Variants in PDSS2 observed in about 807,000 individuals in gnomAD.
The protein encoded by PDSS2 is decaprenyl diphosphate synthase subunit 2.
Under a neutral mutation model 44.5 loss-of-function variants are expected in PDSS2, and 31 were observed. That is an observed-to-expected ratio of 0.70 (90% CI 0.52 to 0.94). PDSS2 has a LOEUF of 0.94. Among genes scored for constraint, PDSS2 ranks in the 40% least tolerant of loss-of-function variants. The pLI, the probability that PDSS2 is intolerant of heterozygous loss-of-function variation, is 0.00. For missense variants in PDSS2, 452 were observed against 482.2 expected (o/e 0.94, Z 0.59); for synonymous variants, 157 against 180.3 (o/e 0.87, Z 1.03).
Position 107,341,274 on chromosome 6 carries a change from G to A in PDSS2, c.297-6942C>T, listed in dbSNP as rs766649780. Among the ~76,000 whole-genome samples the A allele has an allele frequency of 4.4e-4, 67 of 152,180 alleles. 1 individual carries two copies. The highest frequency in any genetic ancestry group is 1.8e-4 in the Non-Finnish European group (12 of 68,008). On this transcript the variant is annotated intron_variant, in intron 1 of 7. Coordinates refer to ENST00000369037, the MANE Select transcript of PDSS2 (RefSeq NM_020381.4). Reference sequence around the variant, plus strand: ...AGGGATGAAGGAGACATTGGGGAGGGATCAGAAAGCAAAGGAATGTAAGAT... The same window carrying A: ...AGGGATGAAGGAGACATTGGGGAGGAATCAGAAAGCAAAGGAATGTAAGAT...
chr6:107,170,920 T>C (rs1231090642), intron 7 of PDSS2, among the ~76,000 whole-genome samples: 3 of 152,062 alleles, frequency 2.0e-5, no homozygotes, highest in African/African-American at 4.8e-5. Flanking sequence ...GCCAGGTTTA[T>C]ACTATTCTAA....
intron 1 of PDSS2, among the ~76,000 whole-genome samples, chr6:107,422,898 G>A (rs747418075): frequency 5.9e-5 from 9 of 151,956 alleles, no homozygotes; most frequent in South Asian, 4.2e-4. Context: ...GCTAATGAGC[G>A]TTCTTTTAAC....
chr6:107,321,518 CA>C (rs1418279638), intron 2 of PDSS2, among the ~76,000 whole-genome samples: 6 of 152,158 alleles, frequency 3.9e-5, no homozygotes, highest in Non-Finnish European at 1.5e-5. Context: ...CCGGAGTGTC[CA>C]AATCCTATAT....
intron 1 of PDSS2, among the ~76,000 whole-genome samples, chr6:107,448,101 C>T (rs1387907904): frequency 6.6e-6 from 1 of 152,142 alleles, no homozygotes; most frequent in Non-Finnish European, 1.5e-5. Flanking sequence ...GGGGCTGGAC[C>T]TGGCCCAGGA....
At chr6:107,212,083 A>G in intron 5 of PDSS2, 26 bp downstream of exon 5, 1 of 1,602,468 alleles carries the variant, frequency 6.2e-7, no homozygotes, top group Non-Finnish European at 8.6e-7. Context: ...TAAGTACTGA[A>G]AAAAGATAAA....
At chr6:107,256,851 G>A (rs548784006) in intron 3 of PDSS2, among the ~76,000 whole-genome samples, 10 of 151,916 alleles carry the variant, frequency 6.6e-5, no homozygotes, top group African/African-American at 2.4e-4. Context: ...AACATAGGGA[G>A]ATCCTGTCCC....
intron 1 of PDSS2, among the ~76,000 whole-genome samples, chr6:107,456,097 C>A (rs1782034348): frequency 6.6e-6 from 1 of 152,108 alleles, no homozygotes; most frequent in South Asian, 2.1e-4. Context: ...CTGAGGTGGG[C>A]AGATCACGAG....
intron 2 of PDSS2, among the ~76,000 whole-genome samples, chr6:107,289,997 C>G (rs1776291362): frequency 6.6e-6 from 1 of 152,046 alleles, no homozygotes; most frequent in South Asian, 2.1e-4. Flanking sequence ...ACTTTGTTGC[C>G]CAGTCCAGGC....
At chr6:107,456,194 G>A (rs1410594228) in intron 1 of PDSS2, among the ~76,000 whole-genome samples, 1 of 152,144 alleles carries the variant, frequency 6.6e-6, no homozygotes, top group Non-Finnish European at 1.5e-5. Flanking sequence ...GGTGGCGGGC[G>A]CCTATAATCC....
At chr6:107,353,152 C>CAAAA (rs1366840725) in intron 1 of PDSS2, among the ~76,000 whole-genome samples, 3 of 151,884 alleles carry the variant, frequency 2.0e-5, no homozygotes, top group Non-Finnish European at 4.4e-5. Flanking sequence ...TCAAGAATAA[C>CAAAA]TTTTAAGACA....
chr6:107,271,890 C>T (rs1017335615), intron 3 of PDSS2, among the ~76,000 whole-genome samples: 15 of 151,564 alleles, frequency 9.9e-5, no homozygotes, highest in Admixed American at 7.2e-4. Context: ...GGCAAAAGCC[C>T]GTCTCTAAAA....
At chr6:107,238,808 T>TAA (rs570303207) in intron 4 of PDSS2, among the ~76,000 whole-genome samples, 38 of 152,170 alleles carry the variant, frequency 2.5e-4, no homozygotes, top group Non-Finnish European at 4.4e-4. Context: ...GGATCAACCT[T>TAA]ATAAGCAGGT....
intron 4 of PDSS2, chr6:107,230,108 GA>G (rs1773989522): frequency 6.3e-6 from 1 of 159,320 alleles, no homozygotes; most frequent in African/African-American, 2.4e-5. Flanking sequence ...GTCAGTCAGG[GA>G]GACTGCAAAG....
At chr6:107,270,170 G>A (rs527643639) in intron 3 of PDSS2, among the ~76,000 whole-genome samples, 139 of 152,068 alleles carry the variant, frequency 9.1e-4, no homozygotes, top group Non-Finnish European at 1.8e-3. Context: ...GTGCAATGGC[G>A]TGATCTTGGC....
intron 2 of PDSS2, among the ~76,000 whole-genome samples, chr6:107,303,645 A>G (rs1258438893): frequency 6.6e-6 from 1 of 152,190 alleles, no homozygotes; most frequent in Non-Finnish European, 1.5e-5. Flanking sequence ...CAAAATATGG[A>G]ACCACCTAAT....
chr6:107,344,823 A>G (rs1274763746), intron 1 of PDSS2, among the ~76,000 whole-genome samples: 2 of 152,206 alleles, frequency 1.3e-5, no homozygotes, highest in Admixed American at 6.5e-5. Context: ...AGATGTGGCT[A>G]GTCACCCTGG....
At chr6:107,188,972 G>A (rs184963973) in intron 7 of PDSS2, among the ~76,000 whole-genome samples, 7 of 152,186 alleles carry the variant, frequency 4.6e-5, no homozygotes, top group Admixed American at 1.3e-4. Flanking sequence ...GTACAGTGGC[G>A]TGATCACAAC....
intron 7 of PDSS2, among the ~76,000 whole-genome samples, chr6:107,158,204 G>A (rs1770980964): frequency 2.3e-5 from 3 of 129,384 alleles, no homozygotes; most frequent in African/African-American, 5.9e-5. Flanking sequence ...TTTTTTTTTC[G>A]AGACAGAGTC....
At chr6:107,243,947 G>A (rs1278685335) in intron 4 of PDSS2, among the ~76,000 whole-genome samples, 3 of 152,162 alleles carry the variant, frequency 2.0e-5, no homozygotes, top group Non-Finnish European at 4.4e-5. Context: ...TGACCAACAT[G>A]GAGAAACCCT....
Sources: allele counts gnomAD v4.1 joint callset (sites outside exome capture counted in the v4.1 genomes callset), GRCh38; gene constraint gnomAD v4.1.1; transcripts MANE v1.5; gene names NCBI Gene and HGNC (gene_info 2026-07-23, HGNC 2026-07-21).